Variants in SYNPO2 observed in about 807,000 individuals in gnomAD.
SYNPO2 encodes synaptopodin-2.
A neutral mutation model predicts 85.0 loss-of-function variants in SYNPO2; 56 were observed. The ratio of observed to expected loss-of-function variants is 0.66; its 90% CI spans 0.53 to 0.82. SYNPO2 has a LOEUF of 0.82. Among genes scored for constraint, SYNPO2 ranks in the 40% least tolerant of loss-of-function variants. SYNPO2 has a pLI of 0.00. For missense variants in SYNPO2, 1,575 were observed against 1,534.2 expected, an observed-to-expected ratio of 1.03 and a Z score of -0.44; for synonymous variants, 602 against 591.1, an observed-to-expected ratio of 1.02 and a Z score of -0.27.
chr4:119,007,225 TA>T (rs1205586928), intron 1 of SYNPO2, among the ~76,000 whole-genome samples: 1 of 48,336 alleles, frequency 2.1e-5, no homozygotes, highest in Non-Finnish European at 3.6e-5. Context: ...GGTATATATA[TA>T]TATATATATA....
At chr4:119,041,852 T>G (rs1257331905) in intron 4 of SYNPO2, among the ~76,000 whole-genome samples, 1 of 152,190 alleles carries the variant, frequency 6.6e-6, no homozygotes, top group African/African-American at 2.4e-5. Flanking sequence ...ACCTTAGAGA[T>G]TCTGATTTAC....
rs774948085 is a variant in SYNPO2, at chr4:119,023,647, C to T, written c.257+66C>T. On this transcript the variant is annotated intron_variant, in intron 2 of 4. Coordinates refer to ENST00000307142, the MANE Select transcript of SYNPO2 (RefSeq NM_133477.3). ...TACATGGGAATGATTATAGCTTTTA[C>T]TACATATATAACTTGTCATTTATGG... is the stretch of plus-strand genomic sequence containing the variant. The T allele has an allele frequency of 1.2e-4, 185 of 1,532,712 alleles. 1 individual carries two copies. Among genetic ancestry groups the T allele is most frequent in the Non-Finnish European group, 1.5e-4 (173 of 1,132,954 alleles). The allele number at this position is 1,532,712 out of a possible 1,614,324, so 94.9% of individuals were successfully genotyped here.
At chr4:118,894,183 T>G (rs148157921) in intron 1 of SYNPO2, among the ~76,000 whole-genome samples, 142 of 151,736 alleles carry the variant, frequency 9.4e-4, no homozygotes, top group Admixed American at 2.2e-3. Context: ...TAGGTCCCCA[T>G]AGGGCTTGAC....
chr4:118,866,978 C>A (rs1340149873), intron 1 of SYNPO2, among the ~76,000 whole-genome samples: 3 of 152,170 alleles, frequency 2.0e-5, no homozygotes, highest in Non-Finnish European at 4.4e-5. Flanking sequence ...TTATTCATTT[C>A]TTTAGTTCTC....
chr4:118,890,764 G>A (rs921022031), intron 1 of SYNPO2, among the ~76,000 whole-genome samples: 1 of 140,220 alleles, frequency 7.1e-6, no homozygotes, highest in Non-Finnish European at 1.6e-5. Context: ...TGTAGGGAGA[G>A]AGAGACAAAT....
At chr4:118,935,494 C>T (rs1029772450) in intron 1 of SYNPO2, among the ~76,000 whole-genome samples, 41 of 152,098 alleles carry the variant, frequency 2.7e-4, no homozygotes, top group African/African-American at 9.7e-4. Flanking sequence ...TTATGTGCTA[C>T]ATGTGATAGT....
intron 4 of SYNPO2, chr4:119,043,790 T>C (rs1222880094): frequency 1.3e-5 from 2 of 151,768 alleles, no homozygotes; most frequent in African/African-American, 2.4e-5. Flanking sequence ...ACACAAAAAT[T>C]AGCTGGGCGT....
chr4:118,995,844 TC>T (rs1379505031), intron 1 of SYNPO2, among the ~76,000 whole-genome samples: 3 of 151,068 alleles, frequency 2.0e-5, no homozygotes, highest in Non-Finnish European at 2.9e-5. Context: ...TCTTTATCTG[TC>T]CATGTATCTA....
Position 118,888,904 on chromosome 4 carries a change from G to A in SYNPO2, c.-133G>A. 1 of 876,204 alleles carries A rather than the reference G, an allele frequency of 1.1e-6. No homozygotes were observed. The allele number at this position is 876,204 out of a possible 1,614,324, so 54.3% of individuals were successfully genotyped here. On this transcript the variant is annotated 5_prime_UTR_variant, in exon 1 of 5. Coordinates refer to ENST00000307142, the MANE Select transcript of SYNPO2 (RefSeq NM_133477.3). ...GGCGGCGGCTGGGGCAGCGGCTGCA[G>A]CAGCGGCGGACGCTCTGCATTACCC... is the stretch of plus-strand genomic sequence containing the variant.
chr4:119,033,336 C>T (rs1457917257), intron 4 of SYNPO2: 6 of 985,274 alleles, frequency 6.1e-6, no homozygotes, highest in African/African-American at 1.7e-5. Flanking sequence ...TATTTGTATT[C>T]GATGGACCAG....
chr4:118,999,258 CT>C (rs2149172217), intron 1 of SYNPO2, among the ~76,000 whole-genome samples: 1 of 152,274 alleles, frequency 6.6e-6, no homozygotes, highest in South Asian at 2.1e-4. Flanking sequence ...AGGTGATCCT[CT>C]CACCTCAGCC....
intron 1 of SYNPO2, among the ~76,000 whole-genome samples, chr4:118,868,169 C>G (rs918418495): frequency 6.6e-6 from 1 of 150,742 alleles, no homozygotes; most frequent in Non-Finnish European, 1.5e-5. Flanking sequence ...ATTAGATGCT[C>G]TTGTAAAACA....
intron 2 of SYNPO2, among the ~76,000 whole-genome samples, chr4:119,024,488 A>T (rs1737858696): frequency 6.6e-6 from 1 of 152,142 alleles, no homozygotes. Context: ...ATTCAGTATG[A>T]TTCTGTTCCG....
intron 1 of SYNPO2, among the ~76,000 whole-genome samples, chr4:118,961,722 C>G (rs975607810): frequency 2.0e-5 from 3 of 152,204 alleles, no homozygotes; most frequent in African/African-American, 7.2e-5. Context: ...AGACTACTAC[C>G]TGGCCCAGAG....
Position 119,017,112 on chromosome 4 carries a change from G to T in SYNPO2, c.106-6318G>T, listed in dbSNP as rs181890121. Among the ~76,000 whole-genome samples the T allele has an allele frequency of 2.4e-3, 364 of 152,276 alleles. 4 individuals are homozygous for T. The highest frequency in any genetic ancestry group is 1.4e-3 in the Non-Finnish European group (92 of 68,004). ...TGAGAACAGGTTATGAGCTTGAATT[G>T]AGGTACTGAGTGTAGAATAACCAAA... On this transcript the variant is annotated intron_variant, in intron 1 of 4. Coordinates refer to ENST00000307142, the MANE Select transcript of SYNPO2 (RefSeq NM_133477.3).
At position 118,959,180 on chromosome 4, in the gene SYNPO2, C is replaced by T. The variant is rs948776701; in HGVS notation, c.106-64250C>T. 3.3e-5 allele frequency among the ~76,000 whole-genome samples: 5 copies of T among 152,128 alleles called. No homozygotes were observed. In the South Asian group the frequency reaches 8.3e-4, roughly 25 times the overall value. On this transcript the variant is annotated intron_variant, in intron 1 of 4. Coordinates refer to ENST00000307142, the MANE Select transcript of SYNPO2 (RefSeq NM_133477.3). ...TATTAATTGCATCAAGATATATTCC[C>T]GATTACCATATCAGGACATCAAAGG...
Position 119,042,236 on chromosome 4 carries a change from T to C in SYNPO2, c.3252+10209T>C, listed in dbSNP as rs144546393. 2.4e-3 allele frequency: 355 copies of C among 150,378 alleles called. 1 individual carries two copies. Among genetic ancestry groups the C allele is most frequent in the African/African-American group, 8.3e-3 (342 of 41,210 alleles). The allele number at this position is 150,378 out of a possible 1,614,324, so 9.3% of individuals were successfully genotyped here. A position where few individuals can be genotyped will look rare whatever the true frequency, so the allele number is the denominator to read the frequency against. ...CAATTTGCTTTGAATATTCTTTTTT[T>C]AAAAAAGACAAAAGACTAAAGGGGG... is the stretch of plus-strand genomic sequence containing the variant. On this transcript the variant is annotated intron_variant, in intron 4 of 4. Transcript: ENST00000307142.
At chr4:119,039,811 C>CTT (rs140791331) in intron 4 of SYNPO2, among the ~76,000 whole-genome samples, 1 of 151,984 alleles carries the variant, frequency 6.6e-6, no homozygotes, top group African/African-American at 2.4e-5. Context: ...GAAGACAAGA[C>CTT]TTTTTTTTAA....
intron 3 of SYNPO2, among the ~76,000 whole-genome samples, chr4:119,028,457 G>A (rs1437104777): frequency 6.6e-6 from 1 of 151,968 alleles, no homozygotes; most frequent in Non-Finnish European, 1.5e-5. Context: ...GCATCTGTAG[G>A]CCATCTTCAC....
Sources: allele counts gnomAD v4.1 joint callset (sites outside exome capture counted in the v4.1 genomes callset), GRCh38; gene constraint gnomAD v4.1.1; transcripts MANE v1.5; gene names NCBI Gene and HGNC (gene_info 2026-07-23, HGNC 2026-07-21).